The following SERTAD1 variants were observed in gnomAD, a reference collection of about 807,000 sequenced individuals.
SERTAD1 encodes the protein SERTA domain-containing protein 1.
A neutral mutation model predicts 11.7 loss-of-function variants in SERTAD1; 5 were observed. The ratio of observed to expected loss-of-function variants is 0.43; its 90% CI spans 0.22 to 0.90. SERTAD1 has a LOEUF of 0.90. SERTAD1 is among the 40% of genes least tolerant of loss of function. The pLI is 0.27. For missense variants in SERTAD1, 287 were observed against 313.9 expected (o/e 0.91, Z 0.65); for synonymous variants, 139 against 141.4 (o/e 0.98, Z 0.12).
In SERTAD1 at chr19:40,423,112, G is replaced by T; in HGVS notation, c.435C>A (p.Ile145=). 6.3e-7 allele frequency: 1 copy of T among 1,599,512 alleles called. No homozygotes were observed. ...LADEGPPGRS[I]GGAAPSLGAL... ...CACCCAGGCTGGGCGCTGCTCCCCCGATGCTACGGCCTGGTGGCCCCTCGT... is the reference window on the plus strand; with the variant it reads ...CACCCAGGCTGGGCGCTGCTCCCCCTATGCTACGGCCTGGTGGCCCCTCGT... The change falls in exon 2 of 2, where the codon ATC becomes ATA. Residue 145 remains isoleucine, a synonymous_variant. Coordinates refer to ENST00000357949, the MANE Select transcript of SERTAD1 (RefSeq NM_013376.4).
chr19:40,423,024 C>A lies in SERTAD1; in HGVS notation c.523G>T (p.Glu175Ter). 6.3e-7 allele frequency: 1 copy of A among 1,575,296 alleles called. No homozygotes were observed. Among genetic ancestry groups the A allele is most frequent in the Non-Finnish European group, 8.6e-7 (1 of 1,159,780 alleles). The change falls in exon 2 of 2, where the codon GAG (glutamate) becomes TAG (stop). Residue 175 changes from glutamate to a stop codon, truncating the protein, a stop_gained. Transcript: ENST00000357949. LOFTEE classifies it high-confidence loss of function. ...LLDDGLEGLF[E>*]DIDTSMYDNE... ...TCATACATAGAGGTGTCAATATCCT[C>A]AAACAGGCCCTCAAGCCCATCGTCC...
chr19:40,423,778 G>T (rs2079607227), intron 1 of SERTAD1, among the ~76,000 whole-genome samples: 1 of 151,916 alleles, frequency 6.6e-6, no homozygotes, highest in African/African-American at 2.4e-5. Context: ...CCAGGCTGGA[G>T]TGTAATGCCG....
Position 40,422,373 on chromosome 19 carries a change from A to G in SERTAD1, c.*463T>C, listed in dbSNP as rs1568723611. On this transcript the variant is annotated 3_prime_UTR_variant, in exon 2 of 2. Transcript: ENST00000357949. ...ATACTACCGATCTTGTAGGGCTGTTATAGGATTAAATGAGTTAACACAGTG... is the reference window on the plus strand; with the variant it reads ...ATACTACCGATCTTGTAGGGCTGTTGTAGGATTAAATGAGTTAACACAGTG... The G allele has an allele frequency of 6.4e-6, 1 of 157,118 alleles. No homozygotes were observed. Among genetic ancestry groups the G allele is most frequent in the Non-Finnish European group, 1.4e-5 (1 of 71,744 alleles). The allele number at this position is 157,118 out of a possible 1,614,324, so 9.7% of individuals were successfully genotyped here. A position where few individuals can be genotyped will look rare whatever the true frequency, so the allele number is the denominator to read the frequency against.
intron 1 of SERTAD1, among the ~76,000 whole-genome samples, chr19:40,424,342 A>AT (rs576389511): frequency 5.3e-5 from 8 of 152,176 alleles, no homozygotes; most frequent in Admixed American, 4.6e-4. Context: ...TAATGATAAC[A>AT]TTATTATTTC....
At chr19:40,424,833 AC>A (rs1388272629) in intron 1 of SERTAD1, among the ~76,000 whole-genome samples, 1 of 152,256 alleles carries the variant, frequency 6.6e-6, no homozygotes. Flanking sequence ...GGGAACGGGC[AC>A]AAGCCAGGTC....
intron 1 of SERTAD1, among the ~76,000 whole-genome samples, chr19:40,424,971 C>A (rs2145758144): frequency 6.6e-6 from 1 of 152,220 alleles, no homozygotes; most frequent in Admixed American, 6.6e-5. Flanking sequence ...GAAGATCCCC[C>A]CCATGGCTGC....
Position 40,423,304 on chromosome 19 carries a change from C to T in SERTAD1, c.243G>A (p.Met81Ile), listed in dbSNP as rs1466425606. 6.2e-7 allele frequency: 1 copy of T among 1,609,154 alleles called. No individual in the cohort carries two copies. The change falls in exon 2 of 2, where the codon ATG (methionine) becomes ATA (isoleucine). Residue 81 changes from methionine to isoleucine, a missense_variant. Met to Ile is a conservative substitution (Grantham distance 10). Transcript: ENST00000357949. The stretch of plus-strand genomic sequence containing the variant: ...CAGGTGGCAGGGCAGCCGCGGGTGC[C>T]ATGGACGCCTGGATGCGCCGCAGAG... ...VNTLRRIQAS[M>I]APAAALPPVP...
rs1165466637 is a variant in SERTAD1 at position 40,423,262 on chromosome 19, T to TGCAGGTGGGCTAGGC, written c.270_284dup (p.Pro91_Ala95dup). On this transcript the variant is annotated inframe_insertion, in exon 2 of 2. Coordinates refer to ENST00000357949, the MANE Select transcript of SERTAD1 (RefSeq NM_013376.4). ...GTAAGTTGTCAGCCACACTGGGGGC[T>TGCAGGTGGGCTAGGC]GCAGGTGGGCTAGGCACAGGTGGCA... 16 of 1,608,084 alleles carry TGCAGGTGGGCTAGGC rather than the reference T, an allele frequency of 9.9e-6. No individual in the cohort carries two copies. In the African/African-American group the frequency reaches 1.7e-4, roughly 17 times the overall value.
chr19:40,423,101 G>T lies in SERTAD1; in HGVS notation c.446C>A (p.Ala149Glu), dbSNP rs765833634. Residue 149 changes from alanine (A) to glutamate (E), a missense_variant, in exon 2 of 2, where the codon GCG (alanine) becomes GAG (glutamate). Coordinates refer to ENST00000357949, the MANE Select transcript of SERTAD1 (RefSeq NM_013376.4). Reference protein sequence around the residue: ...GPPGRSIGGAAPSLGALDLLG... With the variant: ...GPPGRSIGGAEPSLGALDLLG... ...CAGGTCCAAGGCACCCAGGCTGGGC[G>T]CTGCTCCCCCGATGCTACGGCCTGG... 6.3e-7 allele frequency: 1 copy of T among 1,595,778 alleles called. No individual in the cohort carries two copies. The highest frequency in any genetic ancestry group is 8.5e-7 in the Non-Finnish European group (1 of 1,171,840).
chr19:40,425,639 G>T (rs2079613988), intron 1 of SERTAD1, among the ~76,000 whole-genome samples: 3 of 152,216 alleles, frequency 2.0e-5, no homozygotes, highest in Admixed American at 6.5e-5. Context: ...AGCGGCGGCG[G>T]CGGGGGCGGG....
chr19:40,423,657 A>G, intron 1 of SERTAD1, 111 bp from the exon 2 acceptor site: 2 of 653,634 alleles, frequency 3.1e-6, no homozygotes, highest in Non-Finnish European at 5.2e-6. Flanking sequence ...AAGTCACTTA[A>G]CCTCTCTGTG....
Position 40,423,029 on chromosome 19 carries a change from A to G in SERTAD1, c.518T>C (p.Leu173Pro). The G allele has an allele frequency of 6.3e-7, 1 of 1,575,022 alleles. No individual in the cohort carries two copies. The highest frequency in any genetic ancestry group is 1.9e-5 in the Admixed American group (1 of 53,554). The change falls in exon 2 of 2, where the codon CTG becomes CCG. Residue 173 changes from leucine (L) to proline (P), a missense_variant. Physicochemically the swap from Leu to Pro is moderately conservative, Grantham distance 98. Coordinates refer to ENST00000357949, the MANE Select transcript of SERTAD1 (RefSeq NM_013376.4). ...GCLLDDGLEG[L>P]FEDIDTSMYD... is the part of the protein sequence containing the mutation. ...CATAGAGGTGTCAATATCCTCAAAC[A>G]GGCCCTCAAGCCCATCGTCCAGTAG...
intron 1 of SERTAD1, among the ~76,000 whole-genome samples, chr19:40,424,221 T>C (rs777830667): frequency 6.6e-6 from 1 of 151,798 alleles, no homozygotes; most frequent in Non-Finnish European, 1.5e-5. Flanking sequence ...GGTCTCACTA[T>C]GTTGCCCAGG....
At chr19:40,425,797 A>T (rs1469865262) in intron 1 of SERTAD1, 70 bp downstream of exon 1, 1 of 152,168 alleles carries the variant, frequency 6.6e-6, no homozygotes, top group Non-Finnish European at 1.5e-5. Context: ...TGTCGGACCC[A>T]GGGATCGAAC....
At chr19:40,423,661 C>G in intron 1 of SERTAD1, 115 bp from the exon 2 acceptor site, 1 of 633,670 alleles carries the variant, frequency 1.6e-6, no homozygotes, top group East Asian at 2.8e-5. Flanking sequence ...CACTTAACCT[C>G]TCTGTGCCTA....
chr19:40,423,968 T>C (rs1599673474), intron 1 of SERTAD1, among the ~76,000 whole-genome samples: 1 of 152,234 alleles, frequency 6.6e-6, no homozygotes, highest in South Asian at 2.1e-4. Context: ...CCTCAAGTGA[T>C]CCGCCCACCT....
At position 40,422,750 on chromosome 19, in the gene SERTAD1, G is replaced by A; in HGVS notation, c.*86C>T. On this transcript the variant is annotated 3_prime_UTR_variant, in exon 2 of 2. Transcript: ENST00000357949. ...GGCCCAAGCCCTGTTCTCTGTACTA[G>A]GGAAGCCAGCTGTGTCTTTTCGAGG... 1 of 1,420,814 alleles carries A rather than the reference G, an allele frequency of 7.0e-7. No homozygotes were observed. The highest frequency in any genetic ancestry group is 2.5e-5 in the Admixed American group (1 of 39,220). 88.0% of individuals were successfully genotyped at this position (1,420,814 alleles called of 1,614,324 possible). A position where few individuals can be genotyped will look rare whatever the true frequency, so the allele number is the denominator to read the frequency against.
chr19:40,425,679 G>A (rs2079614212), intron 1 of SERTAD1, among the ~76,000 whole-genome samples, 188 bp downstream of exon 1: 1 of 152,108 alleles, frequency 6.6e-6, no homozygotes, highest in South Asian at 2.1e-4. Flanking sequence ...CAAGAAGCCG[G>A]CGCCTCCGCC....
At position 40,423,497 on chromosome 19, in the gene SERTAD1, T is replaced by C; in HGVS notation, c.50A>G (p.Glu17Gly). 2 of 1,612,090 alleles carry C rather than the reference T, an allele frequency of 1.2e-6. No homozygotes were observed. The highest frequency in any genetic ancestry group is 1.7e-6 in the Non-Finnish European group (2 of 1,179,726). ...KRKREEEEEK[E>G]PLAVDSWWLD... ...CCACCAGGAGTCGACTGCCAGAGGT[T>C]CCTTCTCCTCCTCCTCCTCCCGTTT... Residue 17 changes from glutamate (E) to glycine (G), a missense_variant, in exon 2 of 2, where the codon GAA becomes GGA. Glu to Gly is a moderately conservative substitution (Grantham distance 98, BLOSUM62 -2). Transcript: ENST00000357949.
Sources: allele counts gnomAD v4.1 joint callset (sites outside exome capture counted in the v4.1 genomes callset), GRCh38; gene constraint gnomAD v4.1.1; transcripts MANE v1.5; gene names NCBI Gene and HGNC (gene_info 2026-07-23, HGNC 2026-07-21).